Variants in RHOBTB2 observed in about 807,000 individuals in gnomAD.
The protein encoded by RHOBTB2 is Rho related BTB domain containing 2, also known as rho-related BTB domain-containing protein 2.
RHOBTB2 carries 39 observed loss-of-function variants against 66.5 expected under a neutral mutation model. The observed-to-expected ratio is 0.59, with a 90% CI of 0.45 to 0.77. The LOEUF (loss-of-function observed/expected upper bound fraction) is 0.77, where lower values mean the gene tolerates loss of function less well. RHOBTB2 is among the 30% of genes least tolerant of loss of function. The pLI is 0.00. For synonymous variants in RHOBTB2, 390 were observed against 395.0 expected (o/e 0.99, Z 0.15); for missense variants, 755 against 999.1 (o/e 0.76, Z 3.29).
At chr8:22,960,053 C>T in the RHOBTB2 span, among the ~76,000 whole-genome samples, 16 of 146,670 alleles carry the variant, frequency 1.1e-4, no homozygotes, top group African/African-American at 4.1e-4. Context: ...TGTTGTGGAG[C>T]GCATCTGTAA....
At chr8:22,970,409 C>T in the RHOBTB2 span, among the ~76,000 whole-genome samples, 1 of 152,080 alleles carries the variant, frequency 6.6e-6, no homozygotes, top group Non-Finnish European at 1.5e-5. Flanking sequence ...TATGTTTCAA[C>T]ATATGAATTT....
chr8:22,990,726 G>A (rs895225800), intron 1 of RHOBTB2, among the ~76,000 whole-genome samples: 1 of 152,138 alleles, frequency 6.6e-6, no homozygotes, highest in Admixed American at 6.5e-5. Flanking sequence ...GGCTTTTGAG[G>A]CACCCTGAAC....
the RHOBTB2 span, among the ~76,000 whole-genome samples, chr8:22,968,398 A>G: frequency 6.6e-6 from 1 of 152,166 alleles, no homozygotes; most frequent in Non-Finnish European, 1.5e-5. Context: ...ATGGAGATAC[A>G]TATCTAGTTA....
At chr8:22,991,342 A>AGG in intron 1 of RHOBTB2, among the ~76,000 whole-genome samples, 1 of 152,316 alleles carries the variant, frequency 6.6e-6, no homozygotes, top group Non-Finnish European at 1.5e-5. Context: ...TGTACAAGCC[A>AGG]GGGCCATGTG....
At chr8:22,951,438 G>A in the RHOBTB2 span, among the ~76,000 whole-genome samples, 1 of 152,012 alleles carries the variant, frequency 6.6e-6, no homozygotes, top group Non-Finnish European at 1.5e-5. Context: ...CAACAAGGCT[G>A]TTTATTTCAC....
the RHOBTB2 span, among the ~76,000 whole-genome samples, chr8:22,968,820 T>C: frequency 6.6e-6 from 1 of 151,192 alleles, no homozygotes; most frequent in African/African-American, 2.4e-5. Context: ...AAGAGAAAAG[T>C]ATAACATAAT....
rs749801032 is a variant in RHOBTB2, at chr8:23,007,562, T to A, written c.1317T>A (p.Asp439Glu). 1 of 1,614,184 alleles carries A rather than the reference T, an allele frequency of 6.2e-7. No individual in the cohort carries two copies. The highest frequency in any genetic ancestry group is 1.7e-5 in the Admixed American group (1 of 60,024). Residue 439 changes from aspartate (D) to glutamate (E), a missense_variant, in exon 5 of 10, where the codon GAT becomes GAA. By Grantham distance (45) the Asp-to-Glu change is conservative. Around this residue, in one of 7 missense-constraint regions of RHOBTB2, gnomAD observed 353 missense variants for 458.2 expected, o/e 0.77. Coordinates refer to ENST00000251822, the MANE Select transcript of RHOBTB2 (RefSeq NM_015178.3). ...AGTACCTGTACACGGGGGAGCTAGA[T>A]GAGAACGAGCGTGACCTCATGCACA... is the stretch of plus-strand genomic sequence containing the variant. ...VLKYLYTGEL[D>E]ENERDLMHIA...
chr8:22,996,185 A>C (rs1159646544), upstream of RHOBTB2, among the ~76,000 whole-genome samples: 2 of 151,922 alleles, frequency 1.3e-5, no homozygotes, highest in African/African-American at 4.8e-5. Context: ...GGAGGCATAG[A>C]GGGGGTGCCT....
intron 6 of RHOBTB2, among the ~76,000 whole-genome samples, chr8:23,009,673 G>A (rs935820606): frequency 1.1e-4 from 16 of 152,190 alleles, no homozygotes; most frequent in African/African-American, 3.1e-4. Context: ...GGGCTGCATC[G>A]CATCCCGTGA....
At chr8:22,973,905 C>T in the RHOBTB2 span, among the ~76,000 whole-genome samples, 1 of 152,168 alleles carries the variant, frequency 6.6e-6, no homozygotes, top group African/African-American at 2.4e-5. Flanking sequence ...AGCCCATCAA[C>T]CTCACCACCC....
Position 22,990,537 on chromosome 8 carries a change from ACT to A in RHOBTB2, c.-136-1527_-136-1526del, listed in dbSNP as rs1448023172. 2.0e-5 allele frequency among the ~76,000 whole-genome samples: 3 copies of A among 151,106 alleles called. No homozygotes were observed. In the East Asian group the frequency reaches 5.8e-4, roughly 29 times the overall value. On this transcript the variant is annotated intron_variant, in intron 1 of 11. Coordinates refer to the RHOBTB2 transcript ENST00000519685. ...CAGCGCGTCAGTCCACTCTAGGGAGACTCTCCCCTCCAGCCAGGCTTCCACCA... is the reference window on the plus strand; with the variant it reads ...CAGCGCGTCAGTCCACTCTAGGGAGACTCCCCTCCAGCCAGGCTTCCACCA...
At chr8:23,015,947 T>C (rs1356442986) in intron 9 of RHOBTB2, among the ~76,000 whole-genome samples, 1 of 152,180 alleles carries the variant, frequency 6.6e-6, no homozygotes, top group Non-Finnish European at 1.5e-5. Context: ...TCTCTGGGCT[T>C]CTCATTCTCA....
In RHOBTB2 at chr8:23,006,699, A is replaced by G; in HGVS notation, c.483-29A>G. The G allele has an allele frequency of 6.3e-7, 1 of 1,579,704 alleles. No individual in the cohort carries two copies. The highest frequency in any genetic ancestry group is 8.6e-7 in the Non-Finnish European group (1 of 1,158,436). On this transcript the variant is annotated intron_variant, in intron 4 of 9. Transcript: ENST00000251822. The surrounding 1 kb of genome is among the most constrained non-coding windows in gnomAD (Gnocchi z 6.1). Reference sequence around the variant, plus strand: ...GGCAGCCTCCCTCCACCACCAACACAAGCTTGGTTTCCTTCTTGAACCTAC... The same window carrying G: ...GGCAGCCTCCCTCCACCACCAACACGAGCTTGGTTTCCTTCTTGAACCTAC...
At chr8:22,992,487 A>T (rs1403433614) in intron 2 of RHOBTB2, among the ~76,000 whole-genome samples, 1 of 152,036 alleles carries the variant, frequency 6.6e-6, no homozygotes, top group African/African-American at 2.4e-5. Flanking sequence ...GGTCAAGGAG[A>T]AGGAGTCTTA....
chr8:22,974,547 G>A, the RHOBTB2 span, among the ~76,000 whole-genome samples: 2 of 152,268 alleles, frequency 1.3e-5, no homozygotes, highest in East Asian at 3.9e-4. Context: ...CTCCTCCTGA[G>A]GCCCAGCTAA....
At chr8:22,953,637 G>A in the RHOBTB2 span, among the ~76,000 whole-genome samples, 1 of 152,192 alleles carries the variant, frequency 6.6e-6, no homozygotes, top group South Asian at 2.1e-4. Flanking sequence ...AGACCAAAGA[G>A]ACTTATTTAT....
intron 1 of RHOBTB2, among the ~76,000 whole-genome samples, chr8:23,000,627 AT>A (rs1810746189): frequency 6.6e-6 from 1 of 152,088 alleles, no homozygotes; most frequent in African/African-American, 2.4e-5. Context: ...TTAGGCTTGC[AT>A]TTCTTTAATC....
chr8:23,016,887 G>C (rs1041903022), intron 9 of RHOBTB2, among the ~76,000 whole-genome samples: 1 of 152,118 alleles, frequency 6.6e-6, no homozygotes, highest in Non-Finnish European at 1.5e-5. Context: ...CGGAACCTTA[G>C]CTCTGGCCAG....
rs983058085 is a variant in RHOBTB2, at chr8:23,009,194, A to AAGGG, written c.1620+1099_1620+1102dup. ...AAAGAGAGAGAGAGAGAAAAGAAGG[A>AAGGG]AGGGAGGGAGGGAGGGAGGAAGGGA... On this transcript the variant is annotated intron_variant, in intron 6 of 9. Transcript: ENST00000251822. 2.1e-5 allele frequency among the ~76,000 whole-genome samples: 3 copies of AAGGG among 142,844 alleles called. No individual in the cohort carries two copies. The East Asian group carries it at 6.9e-4, about 33-fold the overall frequency. The allele number at this position is 142,844 out of a possible 152,430, so 93.7% of individuals were successfully genotyped here. A position where few individuals can be genotyped will look rare whatever the true frequency, so the allele number is the denominator to read the frequency against.
Sources: gnomAD v4.1 joint callset for allele counts (sites outside exome capture counted in the v4.1 genomes callset) on GRCh38, gnomAD v4.1.1 for gene constraint, gnomAD v4.1.1 regional missense constraint, Gnocchi (gnomAD v3.1) non-coding constraint, MANE v1.5 for transcripts, NCBI Gene and HGNC (gene_info 2026-07-23, HGNC 2026-07-21) for gene names.